The following PHKB variants were observed in gnomAD, a reference collection of about 807,000 sequenced individuals.
PHKB encodes the protein phosphorylase b kinase regulatory subunit beta.
A neutral mutation model predicts 152.1 loss-of-function variants in PHKB; 122 were observed. That is an observed-to-expected ratio of 0.80 (90% CI 0.69 to 0.93). The LOEUF (loss-of-function observed/expected upper bound fraction) is 0.93, where lower values mean the gene tolerates loss of function less well. PHKB is among the 40% of genes least tolerant of loss of function. The pLI is 0.00. For synonymous variants in PHKB, 436 were observed against 464.9 expected (o/e 0.94, Z 0.80); for missense variants, 1,304 against 1,328.4 (o/e 0.98, Z 0.29).
At chr16:47,694,767 GCCT>G (rs1475670224) in intron 28 of PHKB, among the ~76,000 whole-genome samples, 1 of 152,074 alleles carries the variant, frequency 6.6e-6, no homozygotes, top group African/African-American at 2.4e-5. Flanking sequence ...CTCTGGCAAG[GCCT>G]CCTGTCTGCC....
chr16:47,618,315 G>T (rs1363963124), intron 14 of PHKB, among the ~76,000 whole-genome samples: 1 of 151,766 alleles, frequency 6.6e-6, no homozygotes, highest in East Asian at 1.9e-4. Flanking sequence ...TCTGTAACTG[G>T]TCTTTTCTCT....
At position 47,659,465 on chromosome 16, in the gene PHKB, A is replaced by G. The variant is rs181513592; in HGVS notation, c.1972-1041A>G. ...CTGCTTTTTATGAGTACATTTCTCA[A>G]TTTTCTCTGACAATTCATCAGATAA... On this transcript the variant is annotated intron_variant, in intron 20 of 30. Transcript: ENST00000323584. Among the ~76,000 whole-genome samples the G allele has an allele frequency of 5.3e-5, 8 of 152,322 alleles. No homozygotes were observed. The East Asian group carries it at 9.6e-4, about 18-fold the overall frequency.
chr16:47,660,832 C>T lies in PHKB; in HGVS notation c.2196+13C>T, dbSNP rs777421352. 1.9e-6 allele frequency: 3 copies of T among 1,613,088 alleles called. No individual in the cohort carries two copies. The highest frequency in any genetic ancestry group is 2.5e-6 in the Non-Finnish European group (3 of 1,179,248). On this transcript the variant is annotated intron_variant, in intron 22 of 30. Coordinates refer to ENST00000323584, the MANE Select transcript of PHKB (RefSeq NM_000293.3). ...TCAAAAACTGAATGTGAGACAGATG[C>T]ACTTCCCACATGGCCCTAAGTGAGG...
intron 17 of PHKB, 69 bp downstream of exon 17, chr16:47,648,685 C>A: frequency 2.1e-6 from 2 of 931,084 alleles, no homozygotes; most frequent in Non-Finnish European, 3.6e-6. Flanking sequence ...GGTGCTTGAC[C>A]TGCTATGCAT....
intron 16 of PHKB, among the ~76,000 whole-genome samples, chr16:47,647,599 G>A (rs984939083): frequency 1.3e-5 from 2 of 151,514 alleles, no homozygotes; most frequent in Non-Finnish European, 2.9e-5. Flanking sequence ...CTGGGTTCAT[G>A]CCATTTTCCT....
chr16:47,556,939 A>AT (rs1365133549), intron 7 of PHKB, among the ~76,000 whole-genome samples: 2 of 152,188 alleles, frequency 1.3e-5, no homozygotes, highest in Non-Finnish European at 2.9e-5. Flanking sequence ...TATTGCCACA[A>AT]TTTCAGATCC....
chr16:47,498,334 T>A (rs1970267699), intron 2 of PHKB, among the ~76,000 whole-genome samples: 1 of 152,198 alleles, frequency 6.6e-6, no homozygotes, highest in South Asian at 2.1e-4. Context: ...TTTTTTACAC[T>A]GGGAAAAATA....
At chr16:47,553,229 T>C (rs556120256) in intron 7 of PHKB, among the ~76,000 whole-genome samples, 1 of 152,188 alleles carries the variant, frequency 6.6e-6, no homozygotes, top group South Asian at 2.1e-4. Flanking sequence ...GCTTTGTTCA[T>C]TCCTTTTCAT....
chr16:47,620,642 G>A (rs996481237), intron 14 of PHKB, among the ~76,000 whole-genome samples: 1 of 152,012 alleles, frequency 6.6e-6, no homozygotes, highest in Non-Finnish European at 1.5e-5. Context: ...TGGGGAGGCC[G>A]AGGCAAGTGG....
intron 4 of PHKB, among the ~76,000 whole-genome samples, chr16:47,507,654 G>T (rs115533226): frequency 0.011 from 1,642 of 152,190 alleles, 33 homozygotes; most frequent in African/African-American, 0.037. Context: ...CACCATGTCT[G>T]GCCCAGTTAA....
At chr16:47,645,620 T>C (rs1407510108) in intron 16 of PHKB, among the ~76,000 whole-genome samples, 4 of 150,796 alleles carry the variant, frequency 2.7e-5, no homozygotes, top group African/African-American at 9.8e-5. Flanking sequence ...ACTGTAGCCT[T>C]GTAGTATAGT....
chr16:47,630,780 C>A (rs1317330773), intron 14 of PHKB, among the ~76,000 whole-genome samples: 1 of 152,154 alleles, frequency 6.6e-6, no homozygotes, highest in African/African-American at 2.4e-5. Context: ...GCTTATTTTC[C>A]TCCTTAATGG....
intron 14 of PHKB, among the ~76,000 whole-genome samples, chr16:47,628,220 C>G (rs1314453259): frequency 1.3e-5 from 2 of 152,092 alleles, no homozygotes; most frequent in Admixed American, 1.3e-4. Flanking sequence ...TTATTTTATG[C>G]AATATAGGGC....
intron 5 of PHKB, among the ~76,000 whole-genome samples, chr16:47,513,690 C>T (rs1477848752): frequency 6.6e-6 from 1 of 152,178 alleles, no homozygotes; most frequent in Non-Finnish European, 1.5e-5. Context: ...GAGACATAGC[C>T]ACTGGAGCTG....
intron 5 of PHKB, among the ~76,000 whole-genome samples, chr16:47,514,067 C>T (rs187443838): frequency 2.0e-5 from 3 of 152,328 alleles, no homozygotes; most frequent in African/African-American, 7.2e-5. Flanking sequence ...CTTTCTGTCC[C>T]TGTGGATTTG....
chr16:47,634,064 A>AT (rs962252488), intron 14 of PHKB, among the ~76,000 whole-genome samples: 1 of 152,002 alleles, frequency 6.6e-6, no homozygotes, highest in African/African-American at 2.4e-5. Flanking sequence ...TAGATGGCTA[A>AT]TTTTTTTTGG....
At chr16:47,644,491 T>C (rs1268066267) in intron 16 of PHKB, among the ~76,000 whole-genome samples, 1 of 152,224 alleles carries the variant, frequency 6.6e-6, no homozygotes, top group African/African-American at 2.4e-5. Context: ...GTGTGCACTA[T>C]GTCAGTGAAC....
At chr16:47,529,099 G>T (rs1742301095) in intron 6 of PHKB, 1 of 152,072 alleles carries the variant, frequency 6.6e-6, no homozygotes, top group Admixed American at 6.6e-5. Flanking sequence ...GCTGTATTTG[G>T]CATGAGACAT....
chr16:47,612,465 C>T (rs1218972679), intron 14 of PHKB, among the ~76,000 whole-genome samples: 2 of 152,176 alleles, frequency 1.3e-5, no homozygotes, highest in Admixed American at 1.3e-4. Context: ...CAATATACTA[C>T]TTGCAACTCT....
Sources: gnomAD v4.1 joint callset for allele counts (sites outside exome capture counted in the v4.1 genomes callset) on GRCh38, gnomAD v4.1.1 for gene constraint, MANE v1.5 for transcripts, NCBI Gene and HGNC (gene_info 2026-07-23, HGNC 2026-07-21) for gene names.